ARHGAP15: variants seen among roughly 807,000 people sequenced by gnomAD.
The protein encoded by ARHGAP15 is Rho GTPase activating protein 15.
ARHGAP15 carries 51 observed loss-of-function variants against 63.7 expected under a neutral mutation model. The observed-to-expected ratio is 0.80, with a 90% confidence interval of 0.64 to 1.01. The LOEUF is 1.01. Ranked by LOEUF, ARHGAP15 falls within the 50% of genes least tolerant of loss-of-function variation. The pLI is 0.00. For synonymous variants in ARHGAP15, 191 were observed against 193.8 expected, an observed-to-expected ratio of 0.99 and a Z score of 0.12; for missense variants, 560 against 564.6, an observed-to-expected ratio of 0.99 and a Z score of 0.08.
At chr2:143,312,672 T>C (rs1220293655) in intron 6 of ARHGAP15, among the ~76,000 whole-genome samples, 1 of 152,178 alleles carries the variant, frequency 6.6e-6, no homozygotes, top group Non-Finnish European at 1.5e-5. Flanking sequence ...ACGTTTTTGC[T>C]TCGCTAATTC....
At chr2:143,755,941 G>A (rs544603872) in intron 13 of ARHGAP15, among the ~76,000 whole-genome samples, 2 of 152,088 alleles carry the variant, frequency 1.3e-5, no homozygotes, top group Admixed American at 6.5e-5. Context: ...ACTCCAGCCT[G>A]GGTAACAGAG....
chr2:143,154,523 A>G (rs1348819285), intron 1 of ARHGAP15, among the ~76,000 whole-genome samples: 1 of 151,904 alleles, frequency 6.6e-6, no homozygotes, highest in Non-Finnish European at 1.5e-5. Flanking sequence ...GGAGCCCGCT[A>G]TAGGATGTCT....
At chr2:143,238,260 C>T (rs188608053) in intron 5 of ARHGAP15, 2 of 152,206 alleles carry the variant, frequency 1.3e-5, no homozygotes, top group Non-Finnish European at 1.5e-5. Context: ...GAACAGACAA[C>T]TTTCAGAATG....
At chr2:143,457,395 A>G (rs1036355245) in intron 8 of ARHGAP15, among the ~76,000 whole-genome samples, 1 of 151,862 alleles carries the variant, frequency 6.6e-6, no homozygotes, top group Non-Finnish European at 1.5e-5. Context: ...AATACAAAAC[A>G]ATTAGCTGGA....
intron 6 of ARHGAP15, among the ~76,000 whole-genome samples, chr2:143,301,633 C>G (rs1682899222): frequency 6.6e-6 from 1 of 151,754 alleles, no homozygotes. Context: ...TAATATAGCA[C>G]CATTTCTGGG....
At chr2:143,263,506 G>A (rs779788802) in intron 6 of ARHGAP15, among the ~76,000 whole-genome samples, 1 of 152,248 alleles carries the variant, frequency 6.6e-6, no homozygotes, top group South Asian at 2.1e-4. Flanking sequence ...GATGTTGAGT[G>A]TGTGCAGCAT....
intron 12 of ARHGAP15, among the ~76,000 whole-genome samples, chr2:143,691,274 C>T (rs776659122): frequency 2.0e-5 from 3 of 152,076 alleles, no homozygotes; most frequent in Non-Finnish European, 2.9e-5. Context: ...GAGGTTGGAG[C>T]GCTCAGTAAG....
intron 9 of ARHGAP15, among the ~76,000 whole-genome samples, chr2:143,510,527 G>T (rs1380894457): frequency 1.3e-5 from 2 of 152,044 alleles, no homozygotes; most frequent in Non-Finnish European, 2.9e-5. Context: ...TCATGGCTCC[G>T]CTAAGCATCT....
At chr2:143,412,562 TTTAAA>T (rs1275797493) in intron 6 of ARHGAP15, among the ~76,000 whole-genome samples, 1 of 152,200 alleles carries the variant, frequency 6.6e-6, no homozygotes, top group Non-Finnish European at 1.5e-5. Flanking sequence ...TTATTGCTTC[TTTAAA>T]TTAAAAATCA....
intron 5 of ARHGAP15, among the ~76,000 whole-genome samples, chr2:143,232,115 A>G (rs569366494): frequency 1.3e-5 from 2 of 152,344 alleles, no homozygotes; most frequent in Admixed American, 6.5e-5. Context: ...GCTTATTTTC[A>G]TAGAGATTCA....
At position 143,165,960 on chromosome 2, in the gene ARHGAP15, GAGAA is replaced by G. The variant is rs778728158; in HGVS notation, c.165+10346_165+10349del. On this transcript the variant is annotated intron_variant, in intron 2 of 13. Transcript: ENST00000295095. Reference sequence around the variant, plus strand: ...AAAGAAAAGAAGAAAGAAAGAAAGAGAGAAAGAAAGAAAGAAAGAAAGAAAGAAA... The same window carrying G: ...AAAGAAAAGAAGAAAGAAAGAAAGAGAGAAAGAAAGAAAGAAAGAAAGAAA... Among the ~76,000 whole-genome samples the G allele has an allele frequency of 3.0e-3, 281 of 93,646 alleles. 2 individuals are homozygous for G. Among genetic ancestry groups the G allele is most frequent in the African/African-American group, 9.0e-3 (206 of 22,872 alleles). The allele number at this position is 93,646 out of a possible 152,430, so 61.4% of individuals were successfully genotyped here. A position where few individuals can be genotyped will look rare whatever the true frequency, so the allele number is the denominator to read the frequency against.
At chr2:143,286,393 A>G (rs574338164) in intron 6 of ARHGAP15, among the ~76,000 whole-genome samples, 5 of 152,346 alleles carry the variant, frequency 3.3e-5, no homozygotes, top group South Asian at 2.1e-4. Flanking sequence ...CATAAAATAC[A>G]TGAGAACAAG....
At position 143,419,385 on chromosome 2, in the gene ARHGAP15, T is replaced by C. The variant is rs146220510; in HGVS notation, c.475-16216T>C. 8.2e-4 allele frequency among the ~76,000 whole-genome samples: 125 copies of C among 152,186 alleles called. 1 individual carries two copies. The highest frequency in any genetic ancestry group is 3.4e-3 in the Middle Eastern group (1 of 292). ...TCTTTTATTTGACCTAGTAATTCTA[T>C]TTCTAACAATCTCTTCTAAGAAAAA... On this transcript the variant is annotated intron_variant, in intron 6 of 13. Coordinates refer to ENST00000295095, the MANE Select transcript of ARHGAP15 (RefSeq NM_018460.4).
chr2:143,259,607 C>T (rs942739708), intron 6 of ARHGAP15, among the ~76,000 whole-genome samples: 1 of 152,056 alleles, frequency 6.6e-6, no homozygotes, highest in African/African-American at 2.4e-5. Context: ...TTCTCTGATT[C>T]GGTTTGACTG....
At chr2:143,599,103 A>G (rs1292871912) in intron 11 of ARHGAP15, among the ~76,000 whole-genome samples, 1 of 152,102 alleles carries the variant, frequency 6.6e-6, no homozygotes, top group East Asian at 1.9e-4. Context: ...AAATAGAGGG[A>G]GGCCTATGTA....
chr2:143,426,304 G>A (rs1689135516), intron 6 of ARHGAP15, among the ~76,000 whole-genome samples: 1 of 152,094 alleles, frequency 6.6e-6, no homozygotes, highest in African/African-American at 2.4e-5. Flanking sequence ...TGAATCCTTA[G>A]ATTTGCTCAA....
chr2:143,462,740 G>C (rs1327153780), intron 8 of ARHGAP15, among the ~76,000 whole-genome samples: 3 of 152,226 alleles, frequency 2.0e-5, no homozygotes, highest in South Asian at 2.1e-4. Flanking sequence ...GGGTTCAACA[G>C]AGAAGCAGTA....
At chr2:143,323,430 T>G (rs910394274) in intron 6 of ARHGAP15, among the ~76,000 whole-genome samples, 3 of 152,130 alleles carry the variant, frequency 2.0e-5, no homozygotes, top group African/African-American at 7.2e-5. Context: ...TCTATGAATG[T>G]GGGAATTGAC....
At chr2:143,172,176 A>G (rs1006571539) in intron 2 of ARHGAP15, 4 of 152,142 alleles carry the variant, frequency 2.6e-5, no homozygotes, top group African/African-American at 7.2e-5. Flanking sequence ...AGGGTATCAA[A>G]TGTTCACGTT....
Sources: gnomAD v4.1 joint callset for allele counts (sites outside exome capture counted in the v4.1 genomes callset) on GRCh38, gnomAD v4.1.1 for gene constraint, MANE v1.5 for transcripts, NCBI Gene and HGNC (gene_info 2026-07-23, HGNC 2026-07-21) for gene names.